GRID2: variants seen among roughly 807,000 people sequenced by gnomAD.
GRID2 encodes glutamate receptor ionotropic, delta-2.
Under a neutral mutation model 114.8 loss-of-function variants are expected in GRID2, and 33 were observed. The observed-to-expected ratio is 0.29, with a 90% CI of 0.22 to 0.38. The LOEUF (loss-of-function observed/expected upper bound fraction) is 0.38. Among genes scored for constraint, GRID2 ranks in the 10% least tolerant of loss-of-function variants. The probability of loss-of-function intolerance (pLI) is 1.00; values close to 1 mark genes in which losing one functional copy is unlikely to be tolerated. For missense variants in GRID2, 1,184 were observed against 1,257.7 expected (o/e 0.94, Z 0.89); for synonymous variants, 505 against 449.9 (o/e 1.12, Z -1.55).
intron 1 of GRID2, among the ~76,000 whole-genome samples, chr4:92,479,111 T>A (rs943218210): frequency 6.6e-6 from 1 of 152,124 alleles, no homozygotes; most frequent in Non-Finnish European, 1.5e-5. Context: ...TGGTTATTGA[T>A]AAAGATATAT....
intron 13 of GRID2, among the ~76,000 whole-genome samples, chr4:93,526,255 G>T (rs903678223): frequency 6.6e-6 from 1 of 152,050 alleles, no homozygotes; most frequent in African/African-American, 2.4e-5. Flanking sequence ...ATTCTATTCT[G>T]CTGCCTTGTG....
chr4:93,679,948 A>G (rs772036045), intron 14 of GRID2, among the ~76,000 whole-genome samples: 35 of 151,252 alleles, frequency 2.3e-4, no homozygotes, highest in Non-Finnish European at 4.3e-4. Flanking sequence ...TGAAGGAAAT[A>G]GAGACCAAAA....
chr4:93,441,242 G>A (rs1721593334), intron 10 of GRID2, among the ~76,000 whole-genome samples: 1 of 151,900 alleles, frequency 6.6e-6, no homozygotes, highest in Non-Finnish European at 1.5e-5. Flanking sequence ...TTACAGATTT[G>A]GGTGAGGATA....
At chr4:92,368,501 G>A (rs2110213816) in intron 1 of GRID2, among the ~76,000 whole-genome samples, 1 of 152,192 alleles carries the variant, frequency 6.6e-6, no homozygotes, top group Non-Finnish European at 1.5e-5. Context: ...TAAATGCACT[G>A]TGATGTGAAT....
chr4:93,429,941 A>T (rs904873650), intron 10 of GRID2, among the ~76,000 whole-genome samples: 1 of 152,302 alleles, frequency 6.6e-6, no homozygotes, highest in East Asian at 1.9e-4. Flanking sequence ...GATACTATTT[A>T]GTAATTATAA....
At chr4:92,549,846 G>T (rs1726486556) in intron 1 of GRID2, among the ~76,000 whole-genome samples, 1 of 152,032 alleles carries the variant, frequency 6.6e-6, no homozygotes, top group African/African-American at 2.4e-5. Flanking sequence ...ATGACTATAT[G>T]TACTTGAGAA....
intron 12 of GRID2, among the ~76,000 whole-genome samples, chr4:93,512,653 A>G (rs1168832916): frequency 6.6e-6 from 1 of 152,214 alleles, no homozygotes; most frequent in Admixed American, 6.5e-5. Flanking sequence ...GTTCTAAATT[A>G]CAAAATGCTC....
At chr4:92,427,599 G>A (rs898616389) in intron 1 of GRID2, among the ~76,000 whole-genome samples, 1 of 152,030 alleles carries the variant, frequency 6.6e-6, no homozygotes, top group African/African-American at 2.4e-5. Flanking sequence ...TTAAGAAAAT[G>A]TAAATAAAGA....
intron 14 of GRID2, among the ~76,000 whole-genome samples, chr4:93,767,072 G>A (rs1038472344): frequency 1.3e-5 from 2 of 152,124 alleles, no homozygotes; most frequent in Non-Finnish European, 2.9e-5. Flanking sequence ...TGCTTCTTTG[G>A]ATCAAGAGAT....
intron 1 of GRID2, among the ~76,000 whole-genome samples, chr4:92,419,844 C>T (rs1731808433): frequency 6.6e-6 from 1 of 151,850 alleles, no homozygotes; most frequent in African/African-American, 2.4e-5. Context: ...TTTATATAGT[C>T]AATAGTAATC....
chr4:92,493,759 A>G (rs937699552), intron 1 of GRID2, among the ~76,000 whole-genome samples: 1 of 152,180 alleles, frequency 6.6e-6, no homozygotes, highest in Non-Finnish European at 1.5e-5. Flanking sequence ...TAATTTGTTT[A>G]AATTATTGCT....
chr4:92,568,717 C>G (rs1727470506), intron 1 of GRID2, among the ~76,000 whole-genome samples: 2 of 152,086 alleles, frequency 1.3e-5, no homozygotes, highest in South Asian at 4.2e-4. Context: ...GATCCTCTCC[C>G]TCTTCCCACC....
At chr4:92,489,692 A>T (rs1424577208) in intron 1 of GRID2, among the ~76,000 whole-genome samples, 2 of 152,060 alleles carry the variant, frequency 1.3e-5, no homozygotes, top group Non-Finnish European at 2.9e-5. Context: ...CTAAAAATAC[A>T]AAAACTAGCA....
intron 11 of GRID2, among the ~76,000 whole-genome samples, chr4:93,489,010 C>A (rs1726702550): frequency 6.6e-6 from 1 of 151,976 alleles, no homozygotes; most frequent in Non-Finnish European, 1.5e-5. Context: ...TAGTCCATAA[C>A]ACAGCACATA....
At chr4:93,727,744 T>C (rs918642396) in intron 14 of GRID2, among the ~76,000 whole-genome samples, 5 of 152,254 alleles carry the variant, frequency 3.3e-5, no homozygotes, top group Admixed American at 1.3e-4. Flanking sequence ...AATTTATCCA[T>C]TTCTTCTAGA....
At chr4:93,579,112 G>A (rs1348011280) in intron 13 of GRID2, among the ~76,000 whole-genome samples, 3 of 151,944 alleles carry the variant, frequency 2.0e-5, no homozygotes, top group Non-Finnish European at 4.4e-5. Flanking sequence ...CTCATTATTG[G>A]TTATGACATG....
chr4:92,443,526 GA>G (rs1431552745), intron 1 of GRID2, among the ~76,000 whole-genome samples: 2 of 151,960 alleles, frequency 1.3e-5, no homozygotes, highest in Non-Finnish European at 2.9e-5. Flanking sequence ...AGAAAAGTGG[GA>G]AAAGGGGTTG....
chr4:92,545,919 G>T (rs1468078437), intron 1 of GRID2, among the ~76,000 whole-genome samples: 4 of 152,144 alleles, frequency 2.6e-5, no homozygotes, highest in African/African-American at 7.2e-5. Flanking sequence ...TACTGGCACT[G>T]TTCCCAAATT....
chr4:92,844,292 C>T (rs892881023), intron 2 of GRID2, among the ~76,000 whole-genome samples: 1 of 152,026 alleles, frequency 6.6e-6, no homozygotes, highest in African/African-American at 2.4e-5. Context: ...GTAATCCCAG[C>T]ATTTTGGAGG....
Sources: gnomAD v4.1 joint callset for allele counts (sites outside exome capture counted in the v4.1 genomes callset) on GRCh38, gnomAD v4.1.1 for gene constraint, MANE v1.5 for transcripts, NCBI Gene and HGNC (gene_info 2026-07-23, HGNC 2026-07-21) for gene names.